HTR2C: variants seen among roughly 807,000 people sequenced by gnomAD.
HTR2C encodes 5-hydroxytryptamine (serotonin) receptor 2C, G protein-coupled.
A neutral mutation model predicts 21.0 loss-of-function variants in HTR2C; 5 were observed. That is an observed-to-expected ratio of 0.24 (90% CI 0.12 to 0.50). HTR2C has a LOEUF of 0.50. Among genes scored for constraint, HTR2C ranks in the 20% least tolerant of loss-of-function variants. The pLI, the probability that HTR2C is intolerant of heterozygous loss-of-function variation, is 0.98. For synonymous variants in HTR2C, 150 were observed against 145.3 expected (o/e 1.03, Z -0.23); for missense variants, 271 against 371.2 (o/e 0.73, Z 2.22).
At chrX:114,725,505 T>C (rs1193520574) in intron 2 of HTR2C, among the ~76,000 whole-genome samples, 1 of 112,311 alleles carries the variant, frequency 8.9e-6, no homozygotes, top group East Asian at 2.8e-4. Flanking sequence ...TGGAGCCTTC[T>C]TCTCTCAGCT....
chrX:114,641,798 C>T (rs781785898), intron 2 of HTR2C, among the ~76,000 whole-genome samples: 2 of 111,123 alleles, frequency 1.8e-5, no homozygotes, highest in African/African-American at 3.3e-5. Flanking sequence ...CATAGGTACA[C>T]GTGTGCCATG....
intron 4 of HTR2C, among the ~76,000 whole-genome samples, chrX:114,740,792 A>T (rs782073935): frequency 8.9e-6 from 1 of 111,888 alleles, no homozygotes; most frequent in Non-Finnish European, 1.9e-5. Context: ...CTGTCTAAAT[A>T]TAAATAAACT....
At chrX:114,665,412 T>G (rs1297705970) in intron 2 of HTR2C, among the ~76,000 whole-genome samples, 1 of 111,953 alleles carries the variant, frequency 8.9e-6, no homozygotes, top group African/African-American at 3.2e-5. Context: ...GAGTTATAAT[T>G]TAAATACAGT....
rs1476694966 is a variant in HTR2C at position 114,701,904 on chromosome X, G to A, written c.-79-24954G>A. 1.4e-4 allele frequency among the ~76,000 whole-genome samples: 16 copies of A among 111,458 alleles called. 1 individual carries two copies. In the South Asian group the frequency reaches 1.5e-3, roughly 10 times the overall value. Reference sequence around the variant, plus strand: ...CTGAAAGCCAAGGCTCAAGAACTACGTGAAGAATGCAGAAGCCTCAGGAGC... The same window carrying A: ...CTGAAAGCCAAGGCTCAAGAACTACATGAAGAATGCAGAAGCCTCAGGAGC... On this transcript the variant is annotated intron_variant, in intron 2 of 5. Transcript: ENST00000276198.
chrX:114,613,104 ATTT>A (rs1928811730), intron 1 of HTR2C, among the ~76,000 whole-genome samples: 1 of 109,115 alleles, frequency 9.2e-6, no homozygotes, highest in Non-Finnish European at 1.9e-5. Context: ...TGCCAGGCTA[ATTT>A]TTGTATTTTT....
chrX:114,724,596 GT>G (rs1211215096), intron 2 of HTR2C, among the ~76,000 whole-genome samples: 1 of 88,551 alleles, frequency 1.1e-5, no homozygotes, highest in African/African-American at 3.9e-5. Flanking sequence ...AGTTGATGCA[GT>G]TTCTTCCTAG....
chrX:114,830,337 G>A (rs1220761305), intron 4 of HTR2C, among the ~76,000 whole-genome samples: 1 of 111,323 alleles, frequency 9.0e-6, no homozygotes, highest in Non-Finnish European at 1.9e-5. Context: ...TGAAGATTTC[G>A]GGCCGTACTA....
At chrX:114,709,939 C>T (rs1036328935) in intron 2 of HTR2C, among the ~76,000 whole-genome samples, 8 of 111,663 alleles carry the variant, frequency 7.2e-5, no homozygotes, top group African/African-American at 2.6e-4. Context: ...ATTGTCCTAA[C>T]AGTTATGCAT....
chrX:114,877,810 C>A (rs1175437629), intron 5 of HTR2C, among the ~76,000 whole-genome samples: 1 of 110,422 alleles, frequency 9.1e-6, no homozygotes, highest in Non-Finnish European at 1.9e-5. Flanking sequence ...CCATTGTGGT[C>A]AGAAAATGTA....
At chrX:114,867,745 C>A (rs2071057479) in intron 5 of HTR2C, among the ~76,000 whole-genome samples, 1 of 111,854 alleles carries the variant, frequency 8.9e-6, no homozygotes, top group African/African-American at 3.2e-5. Context: ...TTTCCCAGCA[C>A]CAGTTATTGA....
chrX:114,803,181 G>A (rs1400610532), intron 4 of HTR2C, among the ~76,000 whole-genome samples: 2 of 96,309 alleles, frequency 2.1e-5, no homozygotes, highest in African/African-American at 7.4e-5. Context: ...GAATAATGCC[G>A]CAATAAACAT....
intron 3 of HTR2C, among the ~76,000 whole-genome samples, chrX:114,727,510 A>G (rs12391804): frequency 0.039 from 4,390 of 111,883 alleles, 240 homozygotes; most frequent in African/African-American, 0.14. Context: ...GATACAGGAG[A>G]TTCAAATAAT....
At chrX:114,898,570 A>G (rs782647463) in intron 5 of HTR2C, among the ~76,000 whole-genome samples, 73 of 112,047 alleles carry the variant, frequency 6.5e-4, no homozygotes, top group East Asian at 4.5e-3. Flanking sequence ...TGATTATTGT[A>G]TATGGTATAA....
At chrX:114,808,127 C>T (rs888180440) in intron 4 of HTR2C, among the ~76,000 whole-genome samples, 19 of 110,352 alleles carry the variant, frequency 1.7e-4, no homozygotes, top group African/African-American at 6.0e-4. Context: ...AACCCACTAC[C>T]CTTCCCAGCC....
At chrX:114,694,492 TAC>T (rs1342052056) in intron 2 of HTR2C, among the ~76,000 whole-genome samples, 19 of 16,927 alleles carry the variant, frequency 1.1e-3, no homozygotes, top group Middle Eastern at 0.033. Context: ...TATATATATA[TAC>T]ACACACAGAT....
intron 4 of HTR2C, among the ~76,000 whole-genome samples, chrX:114,745,011 A>G (rs781856191): frequency 8.9e-6 from 1 of 112,249 alleles, no homozygotes; most frequent in Non-Finnish European, 1.9e-5. Context: ...AACTCTCGTT[A>G]AAAGCCTTCA....
chrX:114,858,435 T>G (rs2070980658), intron 5 of HTR2C, among the ~76,000 whole-genome samples: 1 of 111,346 alleles, frequency 9.0e-6, no homozygotes, highest in African/African-American at 3.3e-5. Context: ...CTTTGTTAGA[T>G]TTATCGTTAG....
intron 4 of HTR2C, among the ~76,000 whole-genome samples, chrX:114,840,651 C>T (rs2070825778): frequency 9.0e-6 from 1 of 111,087 alleles, no homozygotes; most frequent in African/African-American, 3.3e-5. Flanking sequence ...TGGTGAAAGC[C>T]GTAAGTTTAT....
At chrX:114,839,181 T>G (rs953187338) in intron 4 of HTR2C, among the ~76,000 whole-genome samples, 1 of 112,091 alleles carries the variant, frequency 8.9e-6, no homozygotes, top group Non-Finnish European at 1.9e-5. Flanking sequence ...ATTGTTAACC[T>G]TTTGGCAAAT....
Sources: allele counts gnomAD v4.1 joint callset (sites outside exome capture counted in the v4.1 genomes callset), GRCh38; gene constraint gnomAD v4.1.1; transcripts MANE v1.5; gene names NCBI Gene and HGNC (gene_info 2026-07-23, HGNC 2026-07-21).